MEGF11: variants seen among roughly 807,000 people sequenced by gnomAD.
The protein encoded by MEGF11 is multiple epidermal growth factor-like domains protein 11.
In MEGF11, 126 loss-of-function variants were observed where a neutral mutation model predicts 146.6. The observed-to-expected ratio is 0.86, with a 90% CI of 0.74 to 1.00. MEGF11 has a LOEUF of 1.00. MEGF11 is among the 50% of genes least tolerant of loss of function. MEGF11 has a pLI of 0.00. For synonymous variants in MEGF11, 532 were observed against 583.4 expected (o/e 0.91, Z 1.27); for missense variants, 1,509 against 1,521.2 (o/e 0.99, Z 0.13).
At chr15:66,128,242 C>A (rs990795621) in intron 2 of MEGF11, 64 bp downstream of exon 2, 1 of 1,108,756 alleles carries the variant, frequency 9.0e-7, no homozygotes. Flanking sequence ...TGCCTCTGTC[C>A]CCTACTGCCA....
At chr15:65,928,878 G>T (rs2141292970) in intron 12 of MEGF11, among the ~76,000 whole-genome samples, 1 of 152,280 alleles carries the variant, frequency 6.6e-6, no homozygotes, top group South Asian at 2.1e-4. Flanking sequence ...GTAAATGAAA[G>T]TGCACTTTGC....
intron 5 of MEGF11, among the ~76,000 whole-genome samples, chr15:66,029,779 A>G (rs2083454501): frequency 6.6e-6 from 1 of 151,996 alleles, no homozygotes; most frequent in Admixed American, 6.6e-5. Context: ...ACATTTCTCC[A>G]CCAACATCAA....
At chr15:66,162,668 G>A (rs768900581) in intron 1 of MEGF11, among the ~76,000 whole-genome samples, 4 of 152,170 alleles carry the variant, frequency 2.6e-5, no homozygotes, top group South Asian at 2.1e-4. Flanking sequence ...CCAAAGGCAC[G>A]AAGTAGCCTT....
At chr15:66,252,224 GCCCCCCACCCCCCA>G (rs67789133) in intron 1 of MEGF11, among the ~76,000 whole-genome samples, 7 of 89,908 alleles carry the variant, frequency 7.8e-5, no homozygotes, top group East Asian at 7.0e-4. Context: ...CGCACCCCCC[GCCCCCCACCCCCCA>G]CCCCCCACCG....
intron 3 of MEGF11, among the ~76,000 whole-genome samples, 160 bp from the exon 4 acceptor site, chr15:66,119,346 T>C (rs1002507032): frequency 6.6e-6 from 1 of 152,168 alleles, no homozygotes; most frequent in Non-Finnish European, 1.5e-5. Context: ...AAATCAATAG[T>C]GGGATTTGGG....
At position 65,914,099 on chromosome 15, in the gene MEGF11, C is replaced by T. The variant is rs16949096; in HGVS notation, c.2474-126G>A. Reference sequence around the variant, plus strand: ...ATCTGGTTCTGGCTTTGGCCCGATTCCTGAGTCCCTATGTGACTACCCCCA... The same window carrying T: ...ATCTGGTTCTGGCTTTGGCCCGATTTCTGAGTCCCTATGTGACTACCCCCA... On this transcript the variant is annotated intron_variant, in intron 19 of 25. Transcript: ENST00000395614. 19,975 of 710,482 alleles carry T rather than the reference C, an allele frequency of 0.028. 2,720 individuals are homozygous for T. In the East Asian group the frequency reaches 0.36, roughly 13 times the overall value. 44.0% of individuals were successfully genotyped at this position (710,482 alleles called of 1,614,324 possible).
chr15:66,095,923 G>A (rs8035864), intron 4 of MEGF11, among the ~76,000 whole-genome samples: 54,298 of 152,094 alleles, frequency 0.36, 10,565 homozygotes, highest in East Asian at 0.6. Context: ...CCTTGACCCC[G>A]GGGAACAGCT....
At chr15:65,914,230 C>G in intron 19 of MEGF11, 1 of 544,854 alleles carries the variant, frequency 1.8e-6, no homozygotes, top group Non-Finnish European at 3.3e-6. Flanking sequence ...TACTCTGTTC[C>G]AAAAATGAGT....
At chr15:65,924,338 G>T (rs2079285462) in intron 13 of MEGF11, among the ~76,000 whole-genome samples, 2 of 145,692 alleles carry the variant, frequency 1.4e-5, no homozygotes, top group South Asian at 4.5e-4. Context: ...GCCACTCTCT[G>T]GGAAATGGTT....
At chr15:65,920,651 A>G (rs948823449) in intron 15 of MEGF11, among the ~76,000 whole-genome samples, 1 of 152,262 alleles carries the variant, frequency 6.6e-6, no homozygotes, top group African/African-American at 2.4e-5. Context: ...AGTGGACAGA[A>G]GGGGGGCTGG....
chr15:66,144,188 T>TGTGA (rs1360155636), intron 1 of MEGF11, among the ~76,000 whole-genome samples: 1 of 152,152 alleles, frequency 6.6e-6, no homozygotes, highest in Non-Finnish European at 1.5e-5. Context: ...CTCTCAATGC[T>TGTGA]GTGACCTCAT....
intron 1 of MEGF11, among the ~76,000 whole-genome samples, chr15:66,155,954 C>A (rs1322702615): frequency 6.6e-6 from 1 of 152,192 alleles, no homozygotes; most frequent in Non-Finnish European, 1.5e-5. Context: ...TCAAGTGGCA[C>A]AGACCCACCG....
At chr15:66,079,542 C>CG (rs1555468267) in intron 5 of MEGF11, among the ~76,000 whole-genome samples, 1 of 144,960 alleles carries the variant, frequency 6.9e-6, no homozygotes, top group Non-Finnish European at 1.5e-5. Flanking sequence ...TTCACACCCC[C>CG]CCCCCCAGCA....
chr15:66,064,255 G>C (rs1423474375), intron 5 of MEGF11, among the ~76,000 whole-genome samples: 1 of 152,016 alleles, frequency 6.6e-6, no homozygotes. Context: ...TGTAATCCCA[G>C]TTACTCTGTA....
intron 2 of MEGF11, among the ~76,000 whole-genome samples, chr15:66,127,336 G>C (rs1390598412): frequency 6.6e-6 from 1 of 152,198 alleles, no homozygotes; most frequent in Non-Finnish European, 1.5e-5. Context: ...GATCACACAA[G>C]TGCAGGCACT....
intron 3 of MEGF11, among the ~76,000 whole-genome samples, chr15:66,119,396 T>C (rs1597102105): frequency 6.6e-6 from 1 of 152,380 alleles, no homozygotes; most frequent in South Asian, 2.1e-4. Flanking sequence ...TGGCACTTAC[T>C]AAACCTGCTG....
chr15:66,211,481 A>G (rs943851429), intron 1 of MEGF11, among the ~76,000 whole-genome samples: 24 of 149,240 alleles, frequency 1.6e-4, no homozygotes, highest in African/African-American at 3.2e-4. Context: ...CCAAGATGGC[A>G]CCACTGCACT....
At chr15:65,957,525 C>T (rs577831507) in intron 10 of MEGF11, 22 bp downstream of exon 10, 59 of 1,606,658 alleles carry the variant, frequency 3.7e-5, no homozygotes, top group Admixed American at 8.4e-5. Flanking sequence ...AGGAAGGCCA[C>T]GGGAGGCCCC....
At chr15:66,233,274 C>T (rs1444450444) in intron 1 of MEGF11, among the ~76,000 whole-genome samples, 1 of 152,132 alleles carries the variant, frequency 6.6e-6, no homozygotes, top group Non-Finnish European at 1.5e-5. Context: ...GTAGCTTTGT[C>T]GCCCAGGCTG....
Sources: allele counts gnomAD v4.1 joint callset (sites outside exome capture counted in the v4.1 genomes callset), GRCh38; gene constraint gnomAD v4.1.1; transcripts MANE v1.5; gene names NCBI Gene and HGNC (gene_info 2026-07-23, HGNC 2026-07-21).